CCDC60: variants seen among roughly 807,000 people sequenced by gnomAD.
The protein encoded by CCDC60 is coiled-coil domain-containing protein 60.
In CCDC60, 54 loss-of-function variants were observed where a neutral mutation model predicts 63.5. The observed-to-expected ratio is 0.85, with a 90% CI of 0.68 to 1.07. The LOEUF (loss-of-function observed/expected upper bound fraction) is 1.07. Ranked by LOEUF, CCDC60 falls within the 50% of genes least tolerant of loss-of-function variation. CCDC60 has a pLI of 0.00. For synonymous variants in CCDC60, 206 were observed against 238.8 expected, an observed-to-expected ratio of 0.86 and a Z score of 1.27; for missense variants, 651 against 684.3, an observed-to-expected ratio of 0.95 and a Z score of 0.54.
chr12:119,427,610 C>T (rs1356273906), intron 1 of CCDC60, among the ~76,000 whole-genome samples: 2 of 152,160 alleles, frequency 1.3e-5, no homozygotes, highest in Admixed American at 1.3e-4. Flanking sequence ...TAAGGACATG[C>T]TCATTTCTAA....
intron 4 of CCDC60, among the ~76,000 whole-genome samples, chr12:119,484,123 C>G (rs1951386019): frequency 1.3e-5 from 2 of 152,098 alleles, no homozygotes; most frequent in Non-Finnish European, 2.9e-5. Flanking sequence ...AATTCAGAAG[C>G]CAGACTGCCT....
chr12:119,429,088 C>T (rs940195427), intron 2 of CCDC60, among the ~76,000 whole-genome samples: 2 of 152,114 alleles, frequency 1.3e-5, no homozygotes, highest in Admixed American at 6.6e-5. Flanking sequence ...GTGATGATAC[C>T]GTGGAGTCAG....
intron 5 of CCDC60, among the ~76,000 whole-genome samples, chr12:119,489,878 A>G (rs1159922298): frequency 1.3e-5 from 2 of 150,854 alleles, no homozygotes; most frequent in Non-Finnish European, 3.0e-5. Context: ...GCTCACTGCA[A>G]CCTCCATCTC....
At chr12:119,496,577 G>C (rs1052883119) in intron 5 of CCDC60, among the ~76,000 whole-genome samples, 14 of 152,190 alleles carry the variant, frequency 9.2e-5, no homozygotes, top group African/African-American at 3.4e-4. Context: ...GGTTATTGTT[G>C]TTAATAGCTG....
chr12:119,377,693 A>T (rs886302567), intron 1 of CCDC60, among the ~76,000 whole-genome samples: 1 of 152,224 alleles, frequency 6.6e-6, no homozygotes, highest in Admixed American at 6.5e-5. Flanking sequence ...AAAAATTTGG[A>T]ATCAAATCCA....
chr12:119,468,948 A>G (rs1566025933), intron 2 of CCDC60, among the ~76,000 whole-genome samples: 1 of 151,550 alleles, frequency 6.6e-6, no homozygotes, highest in African/African-American at 2.4e-5. Flanking sequence ...AAAAATATAT[A>G]TATTATTTCC....
chr12:119,521,352 A>T (rs888741251), intron 9 of CCDC60, among the ~76,000 whole-genome samples: 3 of 152,126 alleles, frequency 2.0e-5, no homozygotes, highest in Non-Finnish European at 4.4e-5. Context: ...AGAATTGCTG[A>T]TCTAATGGGA....
intron 5 of CCDC60, among the ~76,000 whole-genome samples, chr12:119,499,362 C>CA (rs1951791595): frequency 6.6e-6 from 1 of 152,068 alleles, no homozygotes; most frequent in Non-Finnish European, 1.5e-5. Flanking sequence ...AATTACAATA[C>CA]AAAATTAGGT....
At chr12:119,523,188 C>A (rs944687456) in intron 10 of CCDC60, among the ~76,000 whole-genome samples, 187 bp downstream of exon 10, 2 of 152,212 alleles carry the variant, frequency 1.3e-5, no homozygotes, top group Admixed American at 6.5e-5. Context: ...GCAATGCAGA[C>A]AATGGCAAGA....
chr12:119,427,822 A>G (rs1382835037), intron 1 of CCDC60, among the ~76,000 whole-genome samples: 1 of 152,178 alleles, frequency 6.6e-6, no homozygotes, highest in Non-Finnish European at 1.5e-5. Flanking sequence ...GTTGAGAAAA[A>G]TGACTTTTAT....
At chr12:119,527,720 A>C in intron 11 of CCDC60, among the ~76,000 whole-genome samples, 1 of 122,712 alleles carries the variant, frequency 8.1e-6, no homozygotes, top group Non-Finnish European at 1.6e-5. Context: ...TCTGTCGCCC[A>C]GGCTAGAGTG....
intron 2 of CCDC60, among the ~76,000 whole-genome samples, chr12:119,452,087 G>T (rs1169325011): frequency 6.6e-6 from 1 of 152,176 alleles, no homozygotes; most frequent in Non-Finnish European, 1.5e-5. Context: ...GTAATTTCTA[G>T]AGATTCGTTT....
chr12:119,377,783 A>C (rs1352599858), intron 1 of CCDC60, among the ~76,000 whole-genome samples: 2 of 152,200 alleles, frequency 1.3e-5, no homozygotes, highest in Non-Finnish European at 2.9e-5. Flanking sequence ...GTGTGAACAC[A>C]GGCTCTTAAA....
At chr12:119,370,152 C>A (rs950632575) in intron 1 of CCDC60, among the ~76,000 whole-genome samples, 1 of 152,292 alleles carries the variant, frequency 6.6e-6, no homozygotes, top group East Asian at 1.9e-4. Flanking sequence ...TAAGCCCAAC[C>A]CTGCACTTAG....
intron 13 of CCDC60, among the ~76,000 whole-genome samples, chr12:119,534,357 G>A (rs941733257): frequency 1.3e-5 from 2 of 152,132 alleles, no homozygotes; most frequent in Admixed American, 1.3e-4. Flanking sequence ...CATGTCATCT[G>A]CAAATAGGGA....
intron 8 of CCDC60, among the ~76,000 whole-genome samples, chr12:119,518,546 G>T (rs369377148): frequency 1.3e-5 from 2 of 152,184 alleles, no homozygotes; most frequent in East Asian, 3.8e-4. Context: ...ATCCCAAAGG[G>T]TTGTAGTGAG....
intron 2 of CCDC60, among the ~76,000 whole-genome samples, chr12:119,450,414 TTTTTTAAAAA>T (rs1166007114): frequency 6.6e-6 from 1 of 152,156 alleles, no homozygotes; most frequent in Non-Finnish European, 1.5e-5. Flanking sequence ...TCCATTAAAA[TTTTTTAAAAA>T]TTTTTAAAAT....
At chr12:119,529,265 T>C (rs890276885) in intron 12 of CCDC60, among the ~76,000 whole-genome samples, 2 of 152,184 alleles carry the variant, frequency 1.3e-5, no homozygotes, top group African/African-American at 4.8e-5. Context: ...GCAATTTTCA[T>C]AAATTGTCCA....
intron 1 of CCDC60, among the ~76,000 whole-genome samples, chr12:119,397,160 A>G (rs1464686388): frequency 1.3e-5 from 2 of 152,192 alleles, no homozygotes; most frequent in Non-Finnish European, 2.9e-5. Context: ...GCAGACCTTC[A>G]TGGTGAGCAT....
Sources: allele counts gnomAD v4.1 joint callset (sites outside exome capture counted in the v4.1 genomes callset), GRCh38; gene constraint gnomAD v4.1.1; transcripts MANE v1.5; gene names NCBI Gene and HGNC (gene_info 2026-07-23, HGNC 2026-07-21).